The following GPR158 variants were observed in gnomAD, a reference collection of about 807,000 sequenced individuals.
The protein encoded by GPR158 is G protein-coupled receptor 158.
A neutral mutation model predicts 78.2 loss-of-function variants in GPR158; 30 were observed. That is an observed-to-expected ratio of 0.38 (90% CI 0.29 to 0.52). GPR158 has a LOEUF of 0.52. GPR158 is among the 20% of genes least tolerant of loss of function. The pLI, the probability that GPR158 is intolerant of heterozygous loss-of-function variation, is 0.83. For synonymous variants in GPR158, 581 were observed against 591.1 expected, an observed-to-expected ratio of 0.98 and a Z score of 0.25; for missense variants, 1,463 against 1,523.5, an observed-to-expected ratio of 0.96 and a Z score of 0.66.
chr10:25,264,077 G>C (rs150465635), intron 2 of GPR158, among the ~76,000 whole-genome samples: 58 of 152,158 alleles, frequency 3.8e-4, no homozygotes, highest in African/African-American at 1.3e-3. Context: ...TTTGAGTATG[G>C]CTCTCATAAC....
At chr10:25,488,570 T>A (rs1401618745) in intron 5 of GPR158, among the ~76,000 whole-genome samples, 1 of 152,160 alleles carries the variant, frequency 6.6e-6, no homozygotes, top group Non-Finnish European at 1.5e-5. Flanking sequence ...AAAACTGAGG[T>A]TGCTGAGGTA....
At chr10:25,356,006 C>T (rs571729444) in intron 2 of GPR158, among the ~76,000 whole-genome samples, 26 of 152,162 alleles carry the variant, frequency 1.7e-4, no homozygotes, top group African/African-American at 6.3e-4. Flanking sequence ...GTCTCTTCCT[C>T]AGGAACTCCC....
chr10:25,272,222 A>G (rs955888034), intron 2 of GPR158, among the ~76,000 whole-genome samples: 2 of 152,054 alleles, frequency 1.3e-5, no homozygotes, highest in Non-Finnish European at 2.9e-5. Flanking sequence ...AAATAATTTG[A>G]CTTGAGTTTT....
chr10:25,245,085 CT>C (rs767188404), intron 2 of GPR158, among the ~76,000 whole-genome samples: 16 of 152,318 alleles, frequency 1.1e-4, no homozygotes, highest in African/African-American at 3.1e-4. Flanking sequence ...CCGAGTTGGA[CT>C]TTCTCTCAAC....
intron 3 of GPR158, among the ~76,000 whole-genome samples, chr10:25,397,786 A>T (rs538185806): frequency 3.9e-5 from 6 of 152,134 alleles, no homozygotes; most frequent in Admixed American, 3.9e-4. Context: ...GGTGTCATCT[A>T]TGAATTTGCT....
chr10:25,549,362 C>T (rs1836701330), intron 5 of GPR158, among the ~76,000 whole-genome samples: 1 of 152,034 alleles, frequency 6.6e-6, no homozygotes, highest in Admixed American at 6.6e-5. Flanking sequence ...TATTGAACTA[C>T]TATGCAAAGA....
At chr10:25,373,376 A>C (rs1449008971) in intron 2 of GPR158, among the ~76,000 whole-genome samples, 1 of 151,968 alleles carries the variant, frequency 6.6e-6, no homozygotes, top group East Asian at 1.9e-4. Context: ...TAATTTGTAC[A>C]ACAAACCCCC....
chr10:25,522,094 CT>C (rs1836285244), intron 5 of GPR158, among the ~76,000 whole-genome samples: 1 of 152,174 alleles, frequency 6.6e-6, no homozygotes, highest in Non-Finnish European at 1.5e-5. Flanking sequence ...AGTTATAATT[CT>C]GGTGTAGCCA....
chr10:25,390,507 T>G (rs910937651), intron 2 of GPR158, among the ~76,000 whole-genome samples: 138 of 152,366 alleles, frequency 9.1e-4, no homozygotes, highest in African/African-American at 3.2e-3. Context: ...ATTCTGCCCC[T>G]GCCCTAGAGA....
At chr10:25,503,761 C>T (rs1268136496) in intron 5 of GPR158, among the ~76,000 whole-genome samples, 1 of 152,210 alleles carries the variant, frequency 6.6e-6, no homozygotes, top group Non-Finnish European at 1.5e-5. Context: ...GGTCTACCCA[C>T]AGCTCCCACT....
rs1220673852 is a variant in GPR158 at position 25,367,888 on chromosome 10, T to C, written c.1009-28023T>C. On this transcript the variant is annotated intron_variant, in intron 2 of 10. Transcript: ENST00000376351. ...GTTTGCAGGGAATGCTCTTTGGATA[T>C]ATGCCAATGCCCCATACATATACTG... Among the ~76,000 whole-genome samples the C allele has an allele frequency of 4.6e-5, 7 of 151,958 alleles. No homozygotes were observed. The East Asian group carries it at 1.4e-3, about 30-fold the overall frequency.
intron 2 of GPR158, among the ~76,000 whole-genome samples, chr10:25,296,730 A>G (rs1380814353): frequency 6.6e-6 from 1 of 152,204 alleles, no homozygotes; most frequent in Non-Finnish European, 1.5e-5. Flanking sequence ...TAATGATATT[A>G]AAAAAGAGAT....
At chr10:25,275,195 A>G (rs1296532305) in intron 2 of GPR158, among the ~76,000 whole-genome samples, 4 of 152,168 alleles carry the variant, frequency 2.6e-5, no homozygotes, top group Non-Finnish European at 5.9e-5. Context: ...TTATAATTTG[A>G]ACTCTGTTTA....
chr10:25,464,348 C>T (rs996799652), intron 4 of GPR158, among the ~76,000 whole-genome samples: 2 of 152,092 alleles, frequency 1.3e-5, no homozygotes, highest in Non-Finnish European at 2.9e-5. Context: ...CTGGGAAGGT[C>T]CCCCACTCGA....
At chr10:25,333,758 T>C (rs1021241453) in intron 2 of GPR158, among the ~76,000 whole-genome samples, 4 of 152,180 alleles carry the variant, frequency 2.6e-5, no homozygotes, top group Non-Finnish European at 2.9e-5. Context: ...TTATTTATTC[T>C]CAAAGGACAT....
At chr10:25,188,021 C>T (rs1265408877) in intron 1 of GPR158, among the ~76,000 whole-genome samples, 1 of 152,184 alleles carries the variant, frequency 6.6e-6, no homozygotes, top group Non-Finnish European at 1.5e-5. Flanking sequence ...TATGAGTGAA[C>T]TCCCATTCAC....
At chr10:25,238,074 TC>T (rs1853551560) in intron 2 of GPR158, among the ~76,000 whole-genome samples, 1 of 152,188 alleles carries the variant, frequency 6.6e-6, no homozygotes, top group Non-Finnish European at 1.5e-5. Context: ...TCCTTCTTCT[TC>T]CTTCTTTTTC....
chr10:25,193,170 C>T (rs1335384295), intron 1 of GPR158, among the ~76,000 whole-genome samples: 1 of 152,084 alleles, frequency 6.6e-6, no homozygotes, highest in Non-Finnish European at 1.5e-5. Context: ...AATCCCTGTC[C>T]TCATGGACTC....
intron 2 of GPR158, among the ~76,000 whole-genome samples, chr10:25,347,414 A>G (rs1855384932): frequency 6.6e-6 from 1 of 151,994 alleles, no homozygotes; most frequent in Non-Finnish European, 1.5e-5. Flanking sequence ...ATTCAGTTCT[A>G]TCTGTCAACT....
Sources: allele counts gnomAD v4.1 joint callset (sites outside exome capture counted in the v4.1 genomes callset), GRCh38; gene constraint gnomAD v4.1.1; transcripts MANE v1.5; gene names NCBI Gene and HGNC (gene_info 2026-07-23, HGNC 2026-07-21).